The following OSER1 variants were observed in gnomAD, a reference collection of about 807,000 sequenced individuals.
OSER1 encodes the protein oxidative stress responsive serine rich 1.
OSER1 carries 15 observed loss-of-function variants against 26.3 expected under a neutral mutation model. The observed-to-expected ratio is 0.57, with a 90% CI of 0.38 to 0.88. OSER1 has a LOEUF of 0.88. OSER1 is among the 40% of genes least tolerant of loss of function. The probability of loss-of-function intolerance (pLI) is 0.00; values close to 1 mark genes in which losing one functional copy is unlikely to be tolerated. For synonymous variants in OSER1, 127 were observed against 128.2 expected (o/e 0.99, Z 0.07); for missense variants, 313 against 353.9 (o/e 0.88, Z 0.93).
chr20:44,207,571 C>T (rs974231124), intron 1 of OSER1: 3 of 152,174 alleles, frequency 2.0e-5, no homozygotes, highest in Non-Finnish European at 4.4e-5. Context: ...GTTGATACTT[C>T]CATTTGTGTT....
intron 2 of OSER1, 106 bp from the exon 3 acceptor site, chr20:44,203,180 A>G (rs752963054): frequency 6.9e-6 from 4 of 581,970 alleles, no homozygotes; most frequent in African/African-American, 1.9e-5. Flanking sequence ...TTTTTTTTCT[A>G]GTTTGGGTTT....
At chr20:44,209,612 A>G (rs966365082) in intron 1 of OSER1, among the ~76,000 whole-genome samples, 3 of 151,936 alleles carry the variant, frequency 2.0e-5, no homozygotes, top group Admixed American at 2.0e-4. Context: ...ATTCGAAGTT[A>G]AAGTCAAATC....
Position 44,197,196 on chromosome 20 carries a change from A to T in OSER1, c.735T>A (p.Thr245=). 1.9e-6 allele frequency: 3 copies of T among 1,614,116 alleles called. No individual in the cohort carries two copies. The highest frequency in any genetic ancestry group is 2.5e-6 in the Non-Finnish European group (3 of 1,179,910). ...EDYSQSLHAR[T]LSGSPRSCSE... Reference sequence around the variant, plus strand: ...AACAGGATCGGGGAGAGCCAGACAGAGTTCTGGCGTGCAGCGACTGAGAGT... The same window carrying T: ...AACAGGATCGGGGAGAGCCAGACAGTGTTCTGGCGTGCAGCGACTGAGAGT... The change falls in exon 4 of 4, where the codon ACT becomes ACA. Residue 245 remains threonine (T), a synonymous_variant. Transcript: ENST00000255174.
At chr20:44,206,554 G>C (rs2073039255) in intron 2 of OSER1, among the ~76,000 whole-genome samples, 1 of 152,254 alleles carries the variant, frequency 6.6e-6, no homozygotes, top group Non-Finnish European at 1.5e-5. Context: ...TGATTCCCTT[G>C]AGATGTATGA....
At position 44,196,946 on chromosome 20, in the gene OSER1, CAGAA is replaced by C. The variant is rs998369067; in HGVS notation, c.*102_*105del. Reference sequence around the variant, plus strand: ...AAGTTTTTATTGCAAGCACAGTGAGCAGAAAGAGATGTCTTCTCACACAAAGTGG... The same window carrying C: ...AAGTTTTTATTGCAAGCACAGTGAGCAGAGATGTCTTCTCACACAAAGTGG... On this transcript the variant is annotated 3_prime_UTR_variant, in exon 4 of 4. Transcript: ENST00000255174. 2.5e-5 allele frequency: 19 copies of C among 747,976 alleles called. No homozygotes were observed. In the African/African-American group the frequency reaches 2.8e-4, roughly 11 times the overall value. 46.3% of individuals were successfully genotyped at this position (747,976 alleles called of 1,614,324 possible).
At chr20:44,206,340 G>A (rs1569242148) in intron 2 of OSER1, among the ~76,000 whole-genome samples, 1 of 152,178 alleles carries the variant, frequency 6.6e-6, no homozygotes, top group African/African-American at 2.4e-5. Flanking sequence ...TTTTGCAAAG[G>A]GTGAAATACT....
intron 2 of OSER1, among the ~76,000 whole-genome samples, chr20:44,204,860 C>T (rs908323774): frequency 3.3e-5 from 5 of 149,948 alleles, no homozygotes; most frequent in African/African-American, 1.2e-4. Context: ...TTTTTTGAGA[C>T]AGGGTCTCGC....
chr20:44,206,810 T>C, intron 2 of OSER1, 71 bp downstream of exon 2: 1 of 691,684 alleles, frequency 1.4e-6, no homozygotes. Flanking sequence ...AGGAAGAGCT[T>C]TTTAGGGAAA....
chr20:44,202,911 A>G (rs2072997637), intron 3 of OSER1, 50 bp downstream of exon 3: 6 of 1,072,992 alleles, frequency 5.6e-6, no homozygotes, highest in Non-Finnish European at 8.6e-6. Flanking sequence ...AGGAAAATCC[A>G]ATACTATTAT....
At chr20:44,206,018 C>G (rs2073034696) in intron 2 of OSER1, among the ~76,000 whole-genome samples, 1 of 151,422 alleles carries the variant, frequency 6.6e-6, no homozygotes, top group Non-Finnish European at 1.5e-5. Flanking sequence ...TCTGCAACGT[C>G]CTACCAATGT....
chr20:44,202,010 C>T (rs1173686273), intron 3 of OSER1, among the ~76,000 whole-genome samples: 1 of 152,006 alleles, frequency 6.6e-6, no homozygotes, highest in Non-Finnish European at 1.5e-5. Context: ...TTGAATAAAA[C>T]AGAAAAAAAT....
intron 3 of OSER1, among the ~76,000 whole-genome samples, chr20:44,201,861 AAGG>A (rs2072985464): frequency 6.6e-6 from 1 of 152,210 alleles, no homozygotes; most frequent in South Asian, 2.1e-4. Context: ...TTGGAAAGGA[AAGG>A]AGGAGAGGTA....
chr20:44,207,171 A>C (rs1008274818), intron 1 of OSER1, 173 bp from the exon 2 acceptor site: 7 of 470,116 alleles, frequency 1.5e-5, no homozygotes, highest in Middle Eastern at 5.7e-4. Context: ...AAATGATACC[A>C]AAAATGGATA....
chr20:44,203,007 C>T lies in OSER1; in HGVS notation c.145G>A (p.Asp49Asn). The T allele has an allele frequency of 6.2e-7, 1 of 1,613,498 alleles. No homozygotes were observed. ...VRAPVRTATD[D>N]TKPKTTCASK... Reference sequence around the variant, plus strand: ...GCACATGTGGTTTTAGGTTTGGTATCATCTGTTGCTGTTCTGACTGGTGCT... The same window carrying T: ...GCACATGTGGTTTTAGGTTTGGTATTATCTGTTGCTGTTCTGACTGGTGCT... The change falls in exon 3 of 4, where the codon GAT (aspartate) becomes AAT (asparagine). Residue 49 changes from aspartate (D) to asparagine (N), a missense_variant. By Grantham distance (23) the Asp-to-Asn change is conservative. Transcript: ENST00000255174.
chr20:44,211,483 T>A (rs951725523), upstream of OSER1: 6 of 152,210 alleles, frequency 3.9e-5, no homozygotes, highest in African/African-American at 1.2e-4. Context: ...CCTCTCAGTT[T>A]TCCATCTAGT....
intron 2 of OSER1, 93 bp from the exon 3 acceptor site, chr20:44,203,167 C>A: frequency 1.6e-6 from 1 of 610,440 alleles, no homozygotes; most frequent in South Asian, 2.2e-5. Context: ...TTTATCAATA[C>A]ATTTTTTTTT....
chr20:44,210,267 G>C (rs1219771747), intron 1 of OSER1, among the ~76,000 whole-genome samples: 2 of 152,202 alleles, frequency 1.3e-5, no homozygotes, highest in Middle Eastern at 3.2e-3. Flanking sequence ...GGGTCAGAAC[G>C]AGAGGCTGGA....
chr20:44,204,706 A>G (rs545286179), intron 2 of OSER1, among the ~76,000 whole-genome samples: 3 of 152,270 alleles, frequency 2.0e-5, no homozygotes, highest in East Asian at 3.9e-4. Flanking sequence ...CGTGTGTTCA[A>G]TGTTTAGCCC....
At chr20:44,210,544 G>T (rs560197924) in intron 1 of OSER1, among the ~76,000 whole-genome samples, 152 bp downstream of exon 1, 2 of 152,316 alleles carry the variant, frequency 1.3e-5, no homozygotes, top group East Asian at 3.9e-4. Flanking sequence ...ATAAGGGGGC[G>T]CGGAGAGGCC....
Sources: allele counts gnomAD v4.1 joint callset (sites outside exome capture counted in the v4.1 genomes callset), GRCh38; gene constraint gnomAD v4.1.1; transcripts MANE v1.5; gene names NCBI Gene and HGNC (gene_info 2026-07-23, HGNC 2026-07-21).